LRMDA: variants seen among roughly 807,000 people sequenced by gnomAD.
The protein encoded by LRMDA is leucine-rich melanocyte differentiation-associated protein.
A neutral mutation model predicts 29.8 loss-of-function variants in LRMDA; 18 were observed. The observed-to-expected ratio is 0.60, with a 90% CI of 0.42 to 0.90. LRMDA has a LOEUF of 0.90. Among genes scored for constraint, LRMDA ranks in the 40% least tolerant of loss-of-function variants. The pLI is 0.00. For missense variants in LRMDA, 273 were observed against 273.9 expected, an observed-to-expected ratio of 1.00 and a Z score of 0.02; for synonymous variants, 125 against 109.4, an observed-to-expected ratio of 1.14 and a Z score of -0.89.
At chr10:75,558,296 A>G (rs569078195) in intron 2 of LRMDA, among the ~76,000 whole-genome samples, 2 of 152,160 alleles carry the variant, frequency 1.3e-5, no homozygotes, top group South Asian at 4.2e-4. Flanking sequence ...GGGTGCTGGC[A>G]TAGTGGGAGA....
intron 2 of LRMDA, among the ~76,000 whole-genome samples, chr10:75,996,985 C>G (rs1247080): frequency 0.68 from 103,716 of 151,902 alleles, 35,433 homozygotes; most frequent in Middle Eastern, 0.73. Context: ...ACCCGCCTCG[C>G]CCTCCCAAAG....
chr10:75,791,377 C>A (rs1007156294), intron 2 of LRMDA, among the ~76,000 whole-genome samples: 2 of 152,238 alleles, frequency 1.3e-5, no homozygotes, highest in Admixed American at 6.5e-5. Flanking sequence ...TAAACAAAAG[C>A]TGAAACTGTA....
chr10:75,671,683 T>G (rs1255321198), intron 2 of LRMDA, among the ~76,000 whole-genome samples: 2 of 152,004 alleles, frequency 1.3e-5, no homozygotes, highest in Non-Finnish European at 2.9e-5. Context: ...AAATACCTAA[T>G]GTAGATGATG....
At chr10:76,412,724 C>G (rs1023503326) in intron 6 of LRMDA, among the ~76,000 whole-genome samples, 10 of 152,130 alleles carry the variant, frequency 6.6e-5, no homozygotes, top group Non-Finnish European at 2.9e-5. Context: ...AGTTTTGATT[C>G]TTCTGTGATG....
intron 6 of LRMDA, among the ~76,000 whole-genome samples, chr10:76,336,881 T>C (rs1458400431): frequency 6.6e-6 from 1 of 152,026 alleles, no homozygotes; most frequent in East Asian, 1.9e-4. Context: ...CATACAACCA[T>C]CCTCCTACAC....
At chr10:75,537,704 T>G (rs1267408106) in intron 2 of LRMDA, among the ~76,000 whole-genome samples, 6 of 152,220 alleles carry the variant, frequency 3.9e-5, no homozygotes, top group Non-Finnish European at 8.8e-5. Context: ...TTTGCATTCA[T>G]GACTGGGTGG....
At chr10:76,024,084 A>G (rs1356459122) in intron 2 of LRMDA, among the ~76,000 whole-genome samples, 2 of 152,182 alleles carry the variant, frequency 1.3e-5, no homozygotes, top group Admixed American at 1.3e-4. Context: ...TCATGACTCA[A>G]TGGAGTGGTC....
chr10:76,242,626 A>G (rs1170444334), intron 5 of LRMDA, among the ~76,000 whole-genome samples: 2 of 152,160 alleles, frequency 1.3e-5, no homozygotes, highest in African/African-American at 4.8e-5. Context: ...TCTTAGAAAG[A>G]TACCAGCCAT....
At chr10:75,469,598 G>A (rs1476557256) in intron 2 of LRMDA, among the ~76,000 whole-genome samples, 1 of 152,166 alleles carries the variant, frequency 6.6e-6, no homozygotes, top group East Asian at 1.9e-4. Flanking sequence ...GTGTGTGTGT[G>A]TGTGTGTTTG....
intron 2 of LRMDA, among the ~76,000 whole-genome samples, chr10:75,782,326 A>G (rs1224658139): frequency 1.3e-5 from 2 of 152,172 alleles, no homozygotes; most frequent in Non-Finnish European, 2.9e-5. Context: ...ACCAAGGTCT[A>G]AATTCACCTG....
chr10:76,036,117 A>C lies in LRMDA; in HGVS notation c.241A>C (p.Thr81Pro). ...AGGGTTACCCAGACTGCATACCTTA[A>C]CCCTCAACAAGAACCGAATATCCTT... ...LPGLPRLHTLTLNKNRITDLE... is the reference protein window; with the variant it reads ...LPGLPRLHTLPLNKNRITDLE... Residue 81 changes from threonine (T) to proline (P), a missense_variant, in exon 3 of 7, where the codon ACC becomes CCC. Coordinates refer to ENST00000611255, the MANE Select transcript of LRMDA (RefSeq NM_001305581.2). 1.2e-6 allele frequency: 2 copies of C among 1,613,370 alleles called. No homozygotes were observed. The highest frequency in any genetic ancestry group is 8.5e-7 in the Non-Finnish European group (1 of 1,179,838).
intron 6 of LRMDA, among the ~76,000 whole-genome samples, chr10:76,437,131 G>T (rs1166785452): frequency 6.6e-6 from 1 of 152,128 alleles, no homozygotes; most frequent in Non-Finnish European, 1.5e-5. Flanking sequence ...AATAAAACAG[G>T]ACCAGCAAGA....
intron 5 of LRMDA, among the ~76,000 whole-genome samples, chr10:76,153,722 T>C (rs1850488742): frequency 6.6e-6 from 1 of 152,222 alleles, no homozygotes; most frequent in Admixed American, 6.5e-5. Context: ...CACTGGAATG[T>C]GAGAACCAAT....
chr10:76,158,776 T>G (rs947735313), intron 5 of LRMDA, among the ~76,000 whole-genome samples: 1 of 152,184 alleles, frequency 6.6e-6, no homozygotes, highest in Non-Finnish European at 1.5e-5. Context: ...AAAAATGTTA[T>G]TCCTTCTAAT....
intron 6 of LRMDA, among the ~76,000 whole-genome samples, chr10:76,545,975 CAG>C (rs1466555862): frequency 1.3e-5 from 2 of 152,134 alleles, no homozygotes; most frequent in Non-Finnish European, 2.9e-5. Flanking sequence ...TCCATGGAAT[CAG>C]AAACTCTGGG....
chr10:75,744,651 C>T (rs1227446546), intron 2 of LRMDA, among the ~76,000 whole-genome samples: 3 of 152,104 alleles, frequency 2.0e-5, no homozygotes, highest in African/African-American at 7.2e-5. Flanking sequence ...GGTTTCTCAC[C>T]CCATTAGTGG....
intron 2 of LRMDA, among the ~76,000 whole-genome samples, chr10:75,828,543 C>T (rs1376803425): frequency 6.6e-6 from 1 of 152,120 alleles, no homozygotes; most frequent in African/African-American, 2.4e-5. Flanking sequence ...TGGGACTTGG[C>T]ATTTTCCAAA....
At chr10:76,466,864 T>C (rs1224401937) in intron 6 of LRMDA, among the ~76,000 whole-genome samples, 1 of 152,208 alleles carries the variant, frequency 6.6e-6, no homozygotes, top group Non-Finnish European at 1.5e-5. Context: ...CGTATCTTGC[T>C]CTGCAGCCTT....
intron 2 of LRMDA, among the ~76,000 whole-genome samples, chr10:75,447,741 A>G (rs182919200): frequency 5.3e-5 from 8 of 152,122 alleles, no homozygotes; most frequent in African/African-American, 1.4e-4. Context: ...CAAAAAATAC[A>G]CATAATTAGC....
Sources: allele counts gnomAD v4.1 joint callset (sites outside exome capture counted in the v4.1 genomes callset), GRCh38; gene constraint gnomAD v4.1.1; transcripts MANE v1.5; gene names NCBI Gene and HGNC (gene_info 2026-07-23, HGNC 2026-07-21).